LIPC: variants seen among roughly 807,000 people sequenced by gnomAD.
The protein encoded by LIPC is lipase C, hepatic type, also known as hepatic triacylglycerol lipase.
In LIPC, 44 loss-of-function variants were observed where a neutral mutation model predicts 50.7. The ratio of observed to expected loss-of-function variants is 0.87; its 90% confidence interval spans 0.68 to 1.11. The LOEUF is 1.11. LIPC is among the 50% of genes most tolerant of loss of function. LIPC has a pLI of 0.00. For synonymous variants in LIPC, 271 were observed against 256.4 expected, an observed-to-expected ratio of 1.06 and a Z score of -0.54; for missense variants, 697 against 648.2, an observed-to-expected ratio of 1.08 and a Z score of -0.82.
chr15:58,542,698 C>A, intron 4 of LIPC, 47 bp downstream of exon 4: 2 of 1,280,924 alleles, frequency 1.6e-6, no homozygotes, highest in Non-Finnish European at 1.1e-6. Context: ...TCCATAGGGG[C>A]ATCCAACAAG....
chr15:58,549,931 A>T (rs1485057690), intron 6 of LIPC, among the ~76,000 whole-genome samples: 2 of 152,216 alleles, frequency 1.3e-5, no homozygotes, highest in East Asian at 3.9e-4. Context: ...TGGGTGAACC[A>T]GCTCCTCTTT....
intron 2 of LIPC, among the ~76,000 whole-genome samples, chr15:58,539,088 G>A (rs1893239254): frequency 6.6e-6 from 1 of 152,210 alleles, no homozygotes; most frequent in Non-Finnish European, 1.5e-5. Context: ...ATCTTGGGGT[G>A]TGACCCTCAT....
intron 1 of LIPC, among the ~76,000 whole-genome samples, chr15:58,490,693 C>G (rs751359247): frequency 6.6e-6 from 1 of 152,162 alleles, no homozygotes; most frequent in African/African-American, 2.4e-5. Flanking sequence ...TGTTTTCTCC[C>G]GTCATCTCCA....
chr15:58,533,434 C>G (rs8037149), intron 1 of LIPC, among the ~76,000 whole-genome samples: 1,929 of 152,010 alleles, frequency 0.013, 40 homozygotes, highest in African/African-American at 0.044. Flanking sequence ...TAGGATCACA[C>G]GTAAGGAACT....
intron 1 of LIPC, among the ~76,000 whole-genome samples, chr15:58,433,896 G>T (rs1386194559): frequency 2.0e-5 from 3 of 152,328 alleles, no homozygotes; most frequent in African/African-American, 7.2e-5. Flanking sequence ...AATTCTTTCT[G>T]CAATGAGTGA....
chr15:58,490,939 C>A (rs542856678), intron 1 of LIPC, among the ~76,000 whole-genome samples: 5 of 152,296 alleles, frequency 3.3e-5, no homozygotes, highest in Non-Finnish European at 4.4e-5. Context: ...CCACAGCTCA[C>A]CTCCTAAGGA....
intron 1 of LIPC, among the ~76,000 whole-genome samples, chr15:58,535,815 A>G (rs1222785607): frequency 6.6e-6 from 1 of 152,214 alleles, no homozygotes; most frequent in Non-Finnish European, 1.5e-5. Context: ...TTATTTTCAT[A>G]TGACCCTCTT....
chr15:58,568,847 G>A lies in LIPC; in HGVS notation c.*20G>A. On this transcript the variant is annotated 3_prime_UTR_variant, in exon 9 of 9. Coordinates refer to ENST00000299022, the MANE Select transcript of LIPC (RefSeq NM_000236.3). ...AGATGAGATTTAATGAAGACCCAGT[G>A]TAAAGAATAAATGAATCTTACTCCT... 7.0e-7 allele frequency: 1 copy of A among 1,426,018 alleles called. No individual in the cohort carries two copies. Among genetic ancestry groups the A allele is most frequent in the South Asian group, 1.2e-5 (1 of 83,896 alleles). 88.3% of individuals were successfully genotyped at this position (1,426,018 alleles called of 1,614,324 possible).
At chr15:58,544,391 C>CTTTTTTTTTTTTTTTTTTTTTTTT (rs572161614) in intron 4 of LIPC, among the ~76,000 whole-genome samples, 1 of 110,272 alleles carries the variant, frequency 9.1e-6, no homozygotes, top group Non-Finnish European at 1.8e-5. Context: ...TTCTTTTTCT[C>CTTTTTTTTTTTTTTTTTTTTTTTT]TTTCTTTTTT....
At chr15:58,540,122 C>T (rs1277048271) in intron 2 of LIPC, among the ~76,000 whole-genome samples, 2 of 152,190 alleles carry the variant, frequency 1.3e-5, no homozygotes, top group Non-Finnish European at 2.9e-5. Context: ...AATCAGTGCT[C>T]CAAAATGTTT....
chr15:58,556,680 C>T (rs1169214274), intron 6 of LIPC, among the ~76,000 whole-genome samples: 4 of 152,160 alleles, frequency 2.6e-5, no homozygotes, highest in African/African-American at 9.7e-5. Flanking sequence ...GCATTGAAAT[C>T]ATTCCAAAAA....
chr15:58,474,510 C>A lies in LIPC; in HGVS notation c.88+42390C>A, dbSNP rs1429885591. 2.0e-4 allele frequency among the ~76,000 whole-genome samples: 9 copies of A among 45,346 alleles called. No individual in the cohort carries two copies. In the East Asian group the frequency reaches 7.6e-3, roughly 38 times the overall value. 29.7% of individuals were successfully genotyped at this position (45,346 alleles called of 152,430 possible). ...TAGGCAACAGAGCTAGACCCTGTCT[C>A]AGGAAAAAAAAAAAAAAAAAAAGAG... On this transcript the variant is annotated intron_variant, in intron 1 of 8. Transcript: ENST00000299022.
At chr15:58,468,082 A>G (rs778412740) in intron 1 of LIPC, among the ~76,000 whole-genome samples, 27 of 152,248 alleles carry the variant, frequency 1.8e-4, no homozygotes, top group Non-Finnish European at 2.9e-4. Context: ...ATAAAAGCCC[A>G]GTGATTACTC....
intron 1 of LIPC, among the ~76,000 whole-genome samples, chr15:58,508,871 A>G (rs983195728): frequency 2.0e-5 from 3 of 150,894 alleles, no homozygotes; most frequent in Non-Finnish European, 4.4e-5. Flanking sequence ...TTAATTTTTT[A>G]GTATTCTTCT....
At chr15:58,463,495 C>T (rs1466552049) in intron 1 of LIPC, among the ~76,000 whole-genome samples, 4 of 152,198 alleles carry the variant, frequency 2.6e-5, no homozygotes, top group East Asian at 1.9e-4. Context: ...CTCAACTTCC[C>T]GCCCACTGCT....
chr15:58,455,484 G>T (rs117866075), intron 1 of LIPC, among the ~76,000 whole-genome samples: 1,545 of 152,296 alleles, frequency 0.01, 22 homozygotes, highest in Non-Finnish European at 0.018. Flanking sequence ...TGTCCCAATT[G>T]TAACTAGCAC....
chr15:58,525,834 T>G (rs547977239), intron 1 of LIPC, among the ~76,000 whole-genome samples: 36 of 152,358 alleles, frequency 2.4e-4, no homozygotes, highest in Admixed American at 2.2e-3. Context: ...GAAGAACCCT[T>G]CAAGGAGGAA....
At chr15:58,544,248 C>T (rs1893442683) in intron 4 of LIPC, among the ~76,000 whole-genome samples, 1 of 152,210 alleles carries the variant, frequency 6.6e-6, no homozygotes, top group Non-Finnish European at 1.5e-5. Flanking sequence ...CTCCATCCAA[C>T]TGGTGCTGTG....
intron 1 of LIPC, among the ~76,000 whole-genome samples, chr15:58,471,613 C>T (rs1890808754): frequency 6.6e-6 from 1 of 152,218 alleles, no homozygotes; most frequent in Non-Finnish European, 1.5e-5. Flanking sequence ...GAGTGCCATA[C>T]ACTGCAGTAA....
Sources: allele counts gnomAD v4.1 joint callset (sites outside exome capture counted in the v4.1 genomes callset), GRCh38; gene constraint gnomAD v4.1.1; transcripts MANE v1.5; gene names NCBI Gene and HGNC (gene_info 2026-07-23, HGNC 2026-07-21).